The following ENOX1 variants were observed in gnomAD, a reference collection of about 807,000 sequenced individuals.
ENOX1 encodes ecto-NOX disulfide-thiol exchanger 1.
Under a neutral mutation model 82.5 loss-of-function variants are expected in ENOX1, and 42 were observed. The observed-to-expected ratio is 0.51, with a 90% CI of 0.40 to 0.66. The LOEUF is 0.66. Among genes scored for constraint, ENOX1 ranks in the 30% least tolerant of loss-of-function variants. The pLI, the probability that ENOX1 is intolerant of heterozygous loss-of-function variation, is 0.00. For missense variants in ENOX1, 608 were observed against 811.6 expected, an observed-to-expected ratio of 0.75 and a Z score of 3.05; for synonymous variants, 271 against 282.2, an observed-to-expected ratio of 0.96 and a Z score of 0.40.
rs544541905 is a variant in ENOX1, at chr13:43,338,754, C to T, written c.1036+5784G>A. Among the ~76,000 whole-genome samples, 356 of 137,600 alleles carry T rather than the reference C, an allele frequency of 2.6e-3. 12 individuals carry two copies. In the South Asian group the frequency reaches 0.058, roughly 23 times the overall value. 90.3% of individuals were successfully genotyped at this position (137,600 alleles called of 152,430 possible). A position where few individuals can be genotyped will look rare whatever the true frequency, so the allele number is the denominator to read the frequency against. Reference sequence around the variant, plus strand: ...AGGCTGGAGTGCAGTGGCGCCATCTCGGCTCACTGCAAGCTCTGTCTCCCA... The same window carrying T: ...AGGCTGGAGTGCAGTGGCGCCATCTTGGCTCACTGCAAGCTCTGTCTCCCA... On this transcript the variant is annotated intron_variant, in intron 9 of 16. Coordinates refer to ENST00000690772, the MANE Select transcript of ENOX1 (RefSeq NM_001347969.2).
At chr13:43,776,880 C>T (rs1048398610) in intron 1 of ENOX1, among the ~76,000 whole-genome samples, 1 of 152,020 alleles carries the variant, frequency 6.6e-6, no homozygotes, top group Non-Finnish European at 1.5e-5. Flanking sequence ...CCAGTGCCTC[C>T]CAAGGGTAAA....
At chr13:43,345,117 T>G (rs1374983266) in intron 8 of ENOX1, among the ~76,000 whole-genome samples, 1 of 152,242 alleles carries the variant, frequency 6.6e-6, no homozygotes, top group Admixed American at 6.5e-5. Flanking sequence ...GGCCTCCACT[T>G]CATTTCTTTG....
chr13:43,478,191 G>A (rs945841197), intron 3 of ENOX1, among the ~76,000 whole-genome samples: 1 of 150,492 alleles, frequency 6.6e-6, no homozygotes. Flanking sequence ...ACAGACACAA[G>A]TGGTATTATA....
At chr13:43,706,431 G>A (rs1196468085) in intron 1 of ENOX1, among the ~76,000 whole-genome samples, 6 of 151,934 alleles carry the variant, frequency 3.9e-5, no homozygotes, top group Non-Finnish European at 8.8e-5. Context: ...ATAACAAAAT[G>A]TGATAGCAAT....
rs1159741326 is a variant in ENOX1, at chr13:43,470,296, A to G, written c.-75+13713T>C. On this transcript the variant is annotated intron_variant, in intron 3 of 16. Transcript: ENST00000690772. ...CACATATATATACATATATATATACACATATATATACATATATATACACAT... is the reference window on the plus strand; with the variant it reads ...CACATATATATACATATATATATACGCATATATATACATATATATACACAT... Among the ~76,000 whole-genome samples the G allele has an allele frequency of 5.9e-3, 345 of 58,564 alleles. 44 individuals carry two copies. Among genetic ancestry groups the G allele is most frequent in the African/African-American group, 8.6e-3 (125 of 14,496 alleles). The allele number at this position is 58,564 out of a possible 152,430, so 38.4% of individuals were successfully genotyped here.
chr13:43,270,248 G>A (rs1020911820), intron 12 of ENOX1, among the ~76,000 whole-genome samples: 3 of 152,132 alleles, frequency 2.0e-5, no homozygotes, highest in African/African-American at 4.8e-5. Flanking sequence ...AAAGCACAGC[G>A]CTGCGCAGTG....
At chr13:43,534,247 G>C (rs932859603) in intron 2 of ENOX1, among the ~76,000 whole-genome samples, 6 of 152,200 alleles carry the variant, frequency 3.9e-5, no homozygotes, top group South Asian at 2.1e-4. Flanking sequence ...CTGGGCCTAG[G>C]ATAACTGCAC....
At chr13:43,757,492 A>C (rs1398954070) in intron 1 of ENOX1, among the ~76,000 whole-genome samples, 2 of 152,212 alleles carry the variant, frequency 1.3e-5, no homozygotes, top group East Asian at 3.8e-4. Context: ...CAGTCAGCCA[A>C]CCACCAGACA....
chr13:43,761,770 G>C (rs1950991061), intron 1 of ENOX1, among the ~76,000 whole-genome samples: 2 of 152,052 alleles, frequency 1.3e-5, no homozygotes, highest in African/African-American at 4.8e-5. Flanking sequence ...TCTCCTTCCA[G>C]CTCCAATTAG....
intron 11 of ENOX1, among the ~76,000 whole-genome samples, chr13:43,307,866 A>G (rs965341239): frequency 6.6e-6 from 1 of 152,220 alleles, no homozygotes; most frequent in Non-Finnish European, 1.5e-5. Flanking sequence ...GCTTGCACCC[A>G]GGAGAGGCCA....
At chr13:43,674,464 G>A (rs951263977) in intron 1 of ENOX1, among the ~76,000 whole-genome samples, 36 of 152,160 alleles carry the variant, frequency 2.4e-4, no homozygotes, top group African/African-American at 8.4e-4. Flanking sequence ...ACATTGCTAA[G>A]TGAAAGAAGT....
intron 2 of ENOX1, among the ~76,000 whole-genome samples, chr13:43,539,978 G>T (rs1027409056): frequency 6.6e-6 from 1 of 152,054 alleles, no homozygotes; most frequent in Admixed American, 6.6e-5. Flanking sequence ...CCTTTGCTAG[G>T]TGGAGAGCAT....
At chr13:43,261,354 C>G (rs544136244) in intron 14 of ENOX1, among the ~76,000 whole-genome samples, 2 of 152,246 alleles carry the variant, frequency 1.3e-5, no homozygotes, top group East Asian at 3.9e-4. Flanking sequence ...ATTCTGAATG[C>G]CAGGCAATTC....
chr13:43,546,055 T>C (rs1394388722), intron 2 of ENOX1: 5 of 152,334 alleles, frequency 3.3e-5, no homozygotes, highest in Admixed American at 2.0e-4. Flanking sequence ...TCAGTGTTAA[T>C]TGAATCTCTA....
chr13:43,338,182 A>AT (rs2048825304), intron 9 of ENOX1, among the ~76,000 whole-genome samples: 1 of 152,216 alleles, frequency 6.6e-6, no homozygotes, highest in Non-Finnish European at 1.5e-5. Flanking sequence ...CTTGGCATGC[A>AT]TATTAATAAC....
intron 3 of ENOX1, among the ~76,000 whole-genome samples, chr13:43,449,457 A>C (rs12100425): frequency 0.23 from 35,228 of 152,134 alleles, 4,347 homozygotes; most frequent in Middle Eastern, 0.3. Context: ...GGTAATAATA[A>C]ATGGGCGTAT....
At chr13:43,514,590 C>G (rs1448227759) in intron 2 of ENOX1, among the ~76,000 whole-genome samples, 1 of 152,088 alleles carries the variant, frequency 6.6e-6, no homozygotes, top group African/African-American at 2.4e-5. Context: ...CACCCAAGTT[C>G]TAGATTTTGG....
At chr13:43,763,873 A>T (rs377033707) in intron 1 of ENOX1, among the ~76,000 whole-genome samples, 40 of 152,356 alleles carry the variant, frequency 2.6e-4, no homozygotes, top group African/African-American at 9.1e-4. Flanking sequence ...GGAACAACAT[A>T]AAATGTGAAC....
At chr13:43,324,886 C>T (rs1020354493) in intron 10 of ENOX1, among the ~76,000 whole-genome samples, 17 of 152,222 alleles carry the variant, frequency 1.1e-4, no homozygotes. Context: ...GTGACATTTG[C>T]TGACACTCAC....
Sources: gnomAD v4.1 joint callset for allele counts (sites outside exome capture counted in the v4.1 genomes callset) on GRCh38, gnomAD v4.1.1 for gene constraint, MANE v1.5 for transcripts, NCBI Gene and HGNC (gene_info 2026-07-23, HGNC 2026-07-21) for gene names.